Variants in DMD observed in about 807,000 individuals in gnomAD.
DMD encodes dystrophin, also known as mutant dystrophin.
A neutral mutation model predicts 330.1 loss-of-function variants in DMD; 63 were observed. The observed-to-expected ratio is 0.19, with a 90% CI of 0.16 to 0.24. The LOEUF is 0.24. Ranked by LOEUF, DMD falls within the 10% of genes least tolerant of loss-of-function variation. The probability of loss-of-function intolerance (pLI) is 1.00; values close to 1 mark genes in which losing one functional copy is unlikely to be tolerated. For missense variants in DMD, 3,344 were observed against 2,684.1 expected, an observed-to-expected ratio of 1.25 and a Z score of -5.43; for synonymous variants, 1,223 against 959.8, an observed-to-expected ratio of 1.27 and a Z score of -5.07.
At chrX:32,724,533 C>T (rs1358214663) in intron 7 of DMD, among the ~76,000 whole-genome samples, 2 of 111,493 alleles carry the variant, frequency 1.8e-5, no homozygotes, top group African/African-American at 6.5e-5. Context: ...CATGTTAAAG[C>T]TAATTTTACT....
chrX:32,880,893 G>T (rs1243761884), intron 2 of DMD, among the ~76,000 whole-genome samples: 1 of 112,592 alleles, frequency 8.9e-6, no homozygotes, highest in South Asian at 3.6e-4. Flanking sequence ...GCGGTGAGCC[G>T]ATATTGCGCC....
Position 31,798,794 on chromosome X carries a change from GA to G in DMD, c.7309+21180del, listed in dbSNP as rs762951501. 2.0e-4 allele frequency among the ~76,000 whole-genome samples: 22 copies of G among 111,755 alleles called. No homozygotes were observed. In the South Asian group the frequency reaches 8.3e-3, roughly 42 times the overall value. ...AGGCAGTAAAGCAAAACAGAGCCAG[GA>G]AAAAAGTAAGAGAGTGAGAGGGTTG... On this transcript the variant is annotated intron_variant, in intron 50 of 78. Transcript: ENST00000357033.
In DMD at chrX:33,025,857, C is replaced by A. The variant is rs1024702202; in HGVS notation, c.32-5657G>T. Among the ~76,000 whole-genome samples the A allele has an allele frequency of 4.5e-5, 5 of 111,751 alleles. No individual in the cohort carries two copies. In the Admixed American group the frequency reaches 4.7e-4, roughly 11 times the overall value. On this transcript the variant is annotated intron_variant, in intron 1 of 78. Transcript: ENST00000357033. ...TACAGGCATGAGCCACCACATTCGG[C>A]CTAGAAAAACATTTTTTAAATGATA...
intron 44 of DMD, among the ~76,000 whole-genome samples, chrX:32,038,879 T>G (rs1469346237): frequency 9.0e-6 from 1 of 111,610 alleles, no homozygotes; most frequent in Non-Finnish European, 1.9e-5. Context: ...CTCAAAGGGC[T>G]TACAATTTCC....
At chrX:31,825,442 C>T (rs1415745048) in intron 49 of DMD, among the ~76,000 whole-genome samples, 1 of 111,441 alleles carries the variant, frequency 9.0e-6, no homozygotes, top group Non-Finnish European at 1.9e-5. Context: ...GCCCATCTTT[C>T]CACTCAGTAA....
chrX:33,107,827 G>C (rs1408883162), intron 1 of DMD, among the ~76,000 whole-genome samples: 1 of 111,162 alleles, frequency 9.0e-6, no homozygotes, highest in Non-Finnish European at 1.9e-5. Flanking sequence ...AATTAATAAT[G>C]ACTTTAAATG....
At chrX:31,986,024 A>C (rs2095506754) in intron 44 of DMD, among the ~76,000 whole-genome samples, 1 of 111,604 alleles carries the variant, frequency 9.0e-6, no homozygotes, top group Non-Finnish European at 1.9e-5. Flanking sequence ...GATATAAAGA[A>C]GCTGAAAGAA....
At chrX:32,612,893 A>C (rs888359175) in intron 12 of DMD, among the ~76,000 whole-genome samples, 11 of 111,198 alleles carry the variant, frequency 9.9e-5, no homozygotes, top group African/African-American at 3.6e-4. Context: ...TTTGTCATTC[A>C]AAACTGAAGC....
At chrX:32,640,477 T>G (rs1379075858) in intron 11 of DMD, among the ~76,000 whole-genome samples, 5 of 110,669 alleles carry the variant, frequency 4.5e-5, no homozygotes, top group Non-Finnish European at 9.4e-5. Flanking sequence ...CTTTGTATTT[T>G]TAATATTTCT....
At chrX:32,085,621 TATATATACAC>T (rs2096429239) in intron 44 of DMD, among the ~76,000 whole-genome samples, 4 of 94,312 alleles carry the variant, frequency 4.2e-5, no homozygotes, top group African/African-American at 1.6e-4. Flanking sequence ...TATATACGTA[TATATATACAC>T]ATATATACGT....
chrX:32,278,018 GA>G (rs1451276104), intron 43 of DMD, among the ~76,000 whole-genome samples: 4 of 111,067 alleles, frequency 3.6e-5, no homozygotes, highest in Admixed American at 1.9e-4. Context: ...TCAACAAAAC[GA>G]AAAGTTGGTT....
At chrX:32,800,212 C>A (rs1047804501) in intron 7 of DMD, among the ~76,000 whole-genome samples, 1 of 111,507 alleles carries the variant, frequency 9.0e-6, no homozygotes, top group Non-Finnish European at 1.9e-5. Context: ...GCTACAGAAC[C>A]AATATCTGGT....
At chrX:31,566,872 G>A (rs1603380821) in intron 55 of DMD, among the ~76,000 whole-genome samples, 1 of 111,849 alleles carries the variant, frequency 8.9e-6, no homozygotes, top group East Asian at 2.8e-4. Flanking sequence ...AAATGGTGTT[G>A]TGTTTTTAAT....
intron 2 of DMD, among the ~76,000 whole-genome samples, chrX:32,913,973 C>T (rs2087542684): frequency 9.0e-6 from 1 of 111,552 alleles, no homozygotes; most frequent in African/African-American, 3.3e-5. Flanking sequence ...CCCGTTTTTC[C>T]TTACTTCCCC....
chrX:32,559,400 T>A (rs1424543172), intron 16 of DMD, among the ~76,000 whole-genome samples: 1 of 111,847 alleles, frequency 8.9e-6, no homozygotes, highest in African/African-American at 3.3e-5. Flanking sequence ...TTTTAAAAAA[T>A]TATTTTCTTT....
At chrX:31,495,583 C>T (rs1393959880) in intron 57 of DMD, among the ~76,000 whole-genome samples, 1 of 111,695 alleles carries the variant, frequency 9.0e-6, no homozygotes, top group Non-Finnish European at 1.9e-5. Context: ...TTGGAGGATG[C>T]TAGTGAACAA....
At chrX:33,131,776 G>T in intron 1 of DMD, among the ~76,000 whole-genome samples, 1 of 112,055 alleles carries the variant, frequency 8.9e-6, no homozygotes, top group Non-Finnish European at 1.9e-5. Flanking sequence ...AACCTCTTTT[G>T]TGAGTATCAG....
chrX:32,968,295 C>T (rs2092244788), intron 2 of DMD, among the ~76,000 whole-genome samples: 1 of 108,387 alleles, frequency 9.2e-6, no homozygotes, highest in African/African-American at 3.4e-5. Context: ...TGAAAGTTTT[C>T]AGTTACCTTC....
At chrX:32,908,835 C>A (rs893874563) in intron 2 of DMD, among the ~76,000 whole-genome samples, 1 of 111,384 alleles carries the variant, frequency 9.0e-6, no homozygotes. Flanking sequence ...CCGTGTCATG[C>A]CAATTATGTG....
Sources: allele counts gnomAD v4.1 joint callset (sites outside exome capture counted in the v4.1 genomes callset), GRCh38; gene constraint gnomAD v4.1.1; transcripts MANE v1.5; gene names NCBI Gene and HGNC (gene_info 2026-07-23, HGNC 2026-07-21).